MINK1: variants seen among roughly 807,000 people sequenced by gnomAD.
MINK1 encodes misshapen like kinase 1.
In MINK1, 46 loss-of-function variants were observed where a neutral mutation model predicts 178.4. The ratio of observed to expected loss-of-function variants is 0.26; its 90% confidence interval spans 0.20 to 0.33. MINK1 has a LOEUF of 0.33. MINK1 is among the 10% of genes least tolerant of loss of function. The pLI is 1.00. For synonymous variants in MINK1, 797 were observed against 709.7 expected (o/e 1.12, Z -1.96); for missense variants, 1,366 against 1,814.9 (o/e 0.75, Z 4.49).
chr17:4,897,094 CTG>C lies in MINK1; in HGVS notation c.3916-106_3916-105del, dbSNP rs766335232. On this transcript the variant is annotated intron_variant, in intron 31 of 31. Coordinates refer to ENST00000355280, the MANE Select transcript of MINK1 (RefSeq NM_153827.5). ...CACTGTGAGTCTCCTCCTGCAGTCT[CTG>C]TGTCTCCCTCAACTCTTCTGCCACC... 2.9e-4 allele frequency: 291 copies of C among 986,914 alleles called. 2 individuals carry two copies. The highest frequency in any genetic ancestry group is 1.0e-3 in the Admixed American group (49 of 47,610). 61.1% of individuals were successfully genotyped at this position (986,914 alleles called of 1,614,324 possible).
chr17:4,850,007 C>T (rs1236651913), intron 1 of MINK1, among the ~76,000 whole-genome samples: 4 of 152,092 alleles, frequency 2.6e-5, no homozygotes, highest in East Asian at 1.9e-4. Context: ...AGTGCAGTGG[C>T]GCAAGCGTGG....
At position 4,894,332 on chromosome 17, in the gene MINK1, T is replaced by G. The variant is rs1597583640; in HGVS notation, c.2808+21T>G. The stretch of plus-strand genomic sequence containing the variant: ...GTGACGTAAGTGGGCCGGAGGCAGG[T>G]CCGCCGGGAGAGAAGAGCCCTGGCG... On this transcript the variant is annotated intron_variant, in intron 23 of 31. Transcript: ENST00000355280. This position sits in a 1 kb window ranked among gnomAD's most constrained non-coding sequence, Gnocchi z 4.1. The G allele has an allele frequency of 6.2e-7, 1 of 1,605,122 alleles. No individual in the cohort carries two copies. The highest frequency in any genetic ancestry group is 8.5e-7 in the Non-Finnish European group (1 of 1,177,426).
At chr17:4,838,526 A>G (rs1909643149) in intron 1 of MINK1, among the ~76,000 whole-genome samples, 1 of 152,186 alleles carries the variant, frequency 6.6e-6, no homozygotes, top group Admixed American at 6.6e-5. Context: ...AAGACAGGGT[A>G]GCACACACAA....
rs1969369028 is a variant in MINK1, at chr17:4,895,633, A to G, written c.3230-65A>G. ...TTGTGGTATGCTGACAGAGGAGGCC[A>G]GGGCGGTGGCATTCGGGCCTCAGAT... is the stretch of plus-strand genomic sequence containing the variant. On this transcript the variant is annotated intron_variant, in intron 26 of 31. Transcript: ENST00000355280. This position sits in a 1 kb window ranked among gnomAD's most constrained non-coding sequence, Gnocchi z 4.3. 1 of 1,588,022 alleles carries G rather than the reference A, an allele frequency of 6.3e-7. No homozygotes were observed. The highest frequency in any genetic ancestry group is 8.6e-7 in the Non-Finnish European group (1 of 1,164,902).
chr17:4,861,053 C>T (rs1174825419), intron 1 of MINK1, among the ~76,000 whole-genome samples: 3 of 152,178 alleles, frequency 2.0e-5, no homozygotes, highest in Non-Finnish European at 4.4e-5. Context: ...TTTCCTTGAG[C>T]AAACCCAGCT....
chr17:4,884,948 C>A lies in MINK1; in HGVS notation c.454C>A (p.Arg152=), dbSNP rs1368361544. 6.2e-7 allele frequency: 1 copy of A among 1,613,850 alleles called. No homozygotes were observed. The highest frequency in any genetic ancestry group is 1.3e-5 in the African/African-American group (1 of 74,920). The part of the protein sequence containing the change: ...AHLHAHKVIH[R]DIKGQNVLLT... ...TCTCCATGCCCACAAGGTGATCCAT[C>A]GAGACATCAAGGGGCAGAATGTGCT... The change falls in exon 6 of 32, where the codon CGA becomes AGA. Residue 152 remains arginine (R), a synonymous_variant. Transcript: ENST00000355280.
rs1438504712 is a variant in MINK1, at chr17:4,895,810, G to A, written c.3342G>A (p.Glu1114=). ...GCTGGACCACCGTGGGGGACATGGA[G>A]GGCTGCGGGCACTACCGTGTTGGTG... is the stretch of plus-strand genomic sequence containing the variant. ...KQGWTTVGDM[E]GCGHYRVVKY... Residue 1114 remains glutamate, a synonymous_variant, in exon 27 of 32, where the codon GAG becomes GAA. Transcript: ENST00000355280. The surrounding 1 kb of genome is among the most constrained non-coding windows in gnomAD (Gnocchi z 4.3). The A allele has an allele frequency of 5.0e-6, 8 of 1,613,760 alleles. No homozygotes were observed. Among genetic ancestry groups the A allele is most frequent in the Non-Finnish European group, 6.8e-6 (8 of 1,179,810 alleles).
Position 4,894,678 on chromosome 17 carries a change from G to T in MINK1, c.2917+45G>T. The T allele has an allele frequency of 2.1e-6, 3 of 1,437,140 alleles. No homozygotes were observed. The highest frequency in any genetic ancestry group is 2.9e-6 in the Non-Finnish European group (3 of 1,037,334). 89.0% of individuals were successfully genotyped at this position (1,437,140 alleles called of 1,614,324 possible). On this transcript the variant is annotated intron_variant, in intron 24 of 31. Coordinates refer to ENST00000355280, the MANE Select transcript of MINK1 (RefSeq NM_153827.5). This position sits in a 1 kb window ranked among gnomAD's most constrained non-coding sequence, Gnocchi z 4.1. ...CCTGCTGTGAGGCCAGGGTCCAGGG[G>T]CAGCCTGGAGGGGAGCACAGTGGTC...
At chr17:4,897,180 G>A (rs753031457) in intron 31 of MINK1, 24 bp from the exon 32 acceptor site, 66 of 1,607,734 alleles carry the variant, frequency 4.1e-5, no homozygotes, top group Middle Eastern at 3.3e-4. Context: ...AGCCCTTGGT[G>A]ACTTCTTCTC....
At chr17:4,837,512 G>A (rs904885898) in intron 1 of MINK1, among the ~76,000 whole-genome samples, 4 of 152,198 alleles carry the variant, frequency 2.6e-5, no homozygotes, top group South Asian at 2.1e-4. Flanking sequence ...CCAGCTGAGC[G>A]ATGCCCTTGA....
chr17:4,834,983 C>G (rs766229247), intron 1 of MINK1, among the ~76,000 whole-genome samples: 1 of 152,062 alleles, frequency 6.6e-6, no homozygotes, highest in Non-Finnish European at 1.5e-5. Context: ...ATTTTCAGGT[C>G]ATAATTTGTT....
At position 4,896,786 on chromosome 17, in the gene MINK1, C is replaced by A; in HGVS notation, c.3888C>A (p.Leu1296=). Residue 1296 remains leucine (L), a synonymous_variant, in exon 31 of 32, where the codon CTC becomes CTA. Transcript: ENST00000355280. This position sits in a 1 kb window ranked among gnomAD's most constrained non-coding sequence, Gnocchi z 4.6. ...TCATGCACAAACGAGCTCAGAGGCT[C>A]AAGTTCCTGTGTGAGCGGAATGACA... ...GVFMHKRAQR[L]KFLCERNDKV... 6.3e-7 allele frequency: 1 copy of A among 1,580,896 alleles called. No individual in the cohort carries two copies.
intron 1 of MINK1, chr17:4,859,367 A>C: frequency 3.3e-6 from 3 of 901,742 alleles, no homozygotes; most frequent in Non-Finnish European, 4.0e-6. Context: ...CTTCCCCTGC[A>C]GTTTCCTCAC....
chr17:4,897,197 C>G lies in MINK1; in HGVS notation c.3916-7C>G. ...CCCTTGGTGACTTCTTCTCCTGCCCCACCCAGGTGTTTTTTGCCTCAGTCC... is the reference window on the plus strand; with the variant it reads ...CCCTTGGTGACTTCTTCTCCTGCCCGACCCAGGTGTTTTTTGCCTCAGTCC... On this transcript the variant is annotated splice_region_variant and splice_polypyrimidine_tract_variant and intron_variant, in intron 31 of 31. Coordinates refer to ENST00000355280, the MANE Select transcript of MINK1 (RefSeq NM_153827.5). 6.2e-7 allele frequency: 1 copy of G among 1,612,892 alleles called. No homozygotes were observed. Among genetic ancestry groups the G allele is most frequent in the Middle Eastern group, 1.7e-4 (1 of 6,056 alleles).
In MINK1 at chr17:4,885,205, G is replaced by A. The variant is rs1043659034; in HGVS notation, c.508+203G>A. 2.0e-5 allele frequency among the ~76,000 whole-genome samples: 3 copies of A among 152,158 alleles called. No homozygotes were observed. Among genetic ancestry groups the A allele is most frequent in the African/African-American group, 7.2e-5 (3 of 41,438 alleles). On this transcript the variant is annotated intron_variant, in intron 6 of 31. Transcript: ENST00000355280. This position sits in a 1 kb window ranked among gnomAD's most constrained non-coding sequence, Gnocchi z 5.0. ...AGCTCTTCACCTGTCACCTGTTACG[G>A]GCCAGGTGCTCTGCAGGTTGCTCTG...
At position 4,896,766 on chromosome 17, in the gene MINK1, C is replaced by T; in HGVS notation, c.3868C>T (p.His1290Tyr). 6.3e-7 allele frequency: 1 copy of T among 1,593,734 alleles called. No homozygotes were observed. Among genetic ancestry groups the T allele is most frequent in the South Asian group, 1.1e-5 (1 of 88,032 alleles). ...ETGHLDGVFM[H>Y]KRAQRLKFLC... ...GGGCCACCTCGACGGGGTCTTCATG[C>T]ACAAACGAGCTCAGAGGCTCAAGTT... is the stretch of plus-strand genomic sequence containing the variant. The change falls in exon 31 of 32, where the codon CAC (histidine) becomes TAC (tyrosine). Residue 1290 changes from histidine (H) to tyrosine (Y), a missense_variant. Physicochemically the swap from His to Tyr is moderately conservative, Grantham distance 83. Coordinates refer to ENST00000355280, the MANE Select transcript of MINK1 (RefSeq NM_153827.5). This position sits in a 1 kb window ranked among gnomAD's most constrained non-coding sequence, Gnocchi z 4.6.
rs1235455768 is a variant in MINK1, at chr17:4,894,729, G to A, written c.2917+96G>A. 8 of 968,780 alleles carry A rather than the reference G, an allele frequency of 8.3e-6. No individual in the cohort carries two copies. The highest frequency in any genetic ancestry group is 2.6e-5 in the East Asian group (1 of 38,188). 60.0% of individuals were successfully genotyped at this position (968,780 alleles called of 1,614,324 possible). On this transcript the variant is annotated intron_variant, in intron 24 of 31. Coordinates refer to ENST00000355280, the MANE Select transcript of MINK1 (RefSeq NM_153827.5). This position sits in a 1 kb window ranked among gnomAD's most constrained non-coding sequence, Gnocchi z 4.1. ...TTGAGACGCAGCCTCACAAAGCATA[G>A]CCACAGGACCTCTCCCTTGGGCCCT...
At position 4,892,228 on chromosome 17, in the gene MINK1, G is replaced by A. The variant is rs186368496; in HGVS notation, c.2081G>A (p.Arg694His). 1.9e-4 allele frequency: 304 copies of A among 1,582,054 alleles called. 1 individual carries two copies. The highest frequency in any genetic ancestry group is 2.4e-4 in the Non-Finnish European group (274 of 1,164,800). ...GGGTCCCGGCCAGCCCAGGCAGTCC[G>A]TGCCAGGTAATGCCTGGGTAGGGCA... ...AGGSRPAQAV[R>H]ARPRSNSAWQ... Residue 694 changes from arginine (R) to histidine (H), a missense_variant, in exon 17 of 32, where the codon CGT becomes CAT. Coordinates refer to ENST00000355280, the MANE Select transcript of MINK1 (RefSeq NM_153827.5).
At position 4,897,539 on chromosome 17, in the gene MINK1, C is replaced by T. The variant is rs1969680826; in HGVS notation, c.*252C>T. On this transcript the variant is annotated 3_prime_UTR_variant, in exon 32 of 32. Transcript: ENST00000355280. ...GGGGAGGGACACAGCTTCCCCTTCCCAGGAATTGAGTGGGCCTAGCCCCTC... is the reference window on the plus strand; with the variant it reads ...GGGGAGGGACACAGCTTCCCCTTCCTAGGAATTGAGTGGGCCTAGCCCCTC... 2 of 493,290 alleles carry T rather than the reference C, an allele frequency of 4.1e-6. No homozygotes were observed. The highest frequency in any genetic ancestry group is 7.3e-6 in the Non-Finnish European group (2 of 274,586). The allele number at this position is 493,290 out of a possible 1,614,324, so 30.6% of individuals were successfully genotyped here.
Sources: gnomAD v4.1 joint callset for allele counts (sites outside exome capture counted in the v4.1 genomes callset) on GRCh38, gnomAD v4.1.1 for gene constraint, Gnocchi (gnomAD v3.1) non-coding constraint, MANE v1.5 for transcripts, NCBI Gene and HGNC (gene_info 2026-07-23, HGNC 2026-07-21) for gene names.